Variants in CLCN7 observed in about 807,000 individuals in gnomAD.
CLCN7 encodes Cl-/H+ antiporter 7.
In CLCN7, 60 loss-of-function variants were observed where a neutral mutation model predicts 102.1. That is an observed-to-expected ratio of 0.59 (90% confidence interval 0.48 to 0.73). The LOEUF (loss-of-function observed/expected upper bound fraction) is 0.73. CLCN7 is among the 30% of genes least tolerant of loss of function. The pLI is 0.00. For missense variants in CLCN7, 962 were observed against 1,125.7 expected (o/e 0.85, Z 2.08); for synonymous variants, 560 against 490.5 (o/e 1.14, Z -1.87).
At position 1,473,379 on chromosome 16, in the gene CLCN7, T is replaced by TTTC. The variant is rs2039104830; in HGVS notation, c.141+1454_141+1455insGAA. Among the ~76,000 whole-genome samples the TTTC allele has an allele frequency of 5.7e-5, 8 of 139,646 alleles. No individual in the cohort carries two copies. The South Asian group carries it at 2.0e-3, about 35-fold the overall frequency. 91.6% of individuals were successfully genotyped at this position (139,646 alleles called of 152,430 possible). Reference sequence around the variant, plus strand: ...TCGTGTCCTTCCTAAACTTTTTTTTTTTTTTTTTTTTTTTTGAGACGGAGT... The same window carrying TTTC: ...TCGTGTCCTTCCTAAACTTTTTTTTTTTCTTTTTTTTTTTTTTTGAGACGGAGT... On this transcript the variant is annotated intron_variant, in intron 1 of 24. Coordinates refer to ENST00000382745, the MANE Select transcript of CLCN7 (RefSeq NM_001287.6).
At chr16:1,454,486 G>C in intron 12 of CLCN7, 21 bp from the exon 13 acceptor site, 1 of 1,611,680 alleles carries the variant, frequency 6.2e-7, no homozygotes, top group Non-Finnish European at 8.5e-7. Context: ...AGAGGGAGAA[G>C]GCAGAGGATG....
intron 12 of CLCN7, 89 bp from the exon 13 acceptor site, chr16:1,454,554 G>T: frequency 7.8e-7 from 1 of 1,279,318 alleles, no homozygotes; most frequent in South Asian, 1.2e-5. Context: ...CATCTTAAGA[G>T]AGCTGTCCCC....
In CLCN7 at chr16:1,457,653, G is replaced by A. The variant is rs1471685435; in HGVS notation, c.738+41C>T. 3 of 1,606,724 alleles carry A rather than the reference G, an allele frequency of 1.9e-6. No individual in the cohort carries two copies. Among genetic ancestry groups the A allele is most frequent in the Non-Finnish European group, 2.6e-6 (3 of 1,175,050 alleles). On this transcript the variant is annotated intron_variant, in intron 8 of 24. Transcript: ENST00000382745. The surrounding 1 kb of genome is among the most constrained non-coding windows in gnomAD (Gnocchi z 5.4). ...CGTGGCGGCCCTCGCGGGCCCGGCGGCCTCAGGCTCCAGCTGGAGTGGCCA... is the reference window on the plus strand; with the variant it reads ...CGTGGCGGCCCTCGCGGGCCCGGCGACCTCAGGCTCCAGCTGGAGTGGCCA...
In CLCN7 at chr16:1,452,653, C is replaced by T. The variant is rs895004477; in HGVS notation, c.1353+102G>A. On this transcript the variant is annotated intron_variant, in intron 15 of 24. Transcript: ENST00000382745. ...CGCCAGCCCATGCGCTTCTGGAACT[C>T]GGCGGGGTGGGCAGCCCTCCTCCCG... 14 of 1,289,500 alleles carry T rather than the reference C, an allele frequency of 1.1e-5. No homozygotes were observed. In the Admixed American group the frequency reaches 1.3e-4, roughly 12 times the overall value. The allele number at this position is 1,289,500 out of a possible 1,614,324, so 79.9% of individuals were successfully genotyped here.
chr16:1,466,972 C>T (rs529315692), intron 1 of CLCN7, among the ~76,000 whole-genome samples: 18 of 150,758 alleles, frequency 1.2e-4, no homozygotes, highest in African/African-American at 4.4e-4. Context: ...ACCTTCCAGC[C>T]CACTGCCCTC....
In CLCN7 at chr16:1,446,499, G is replaced by A. The variant is rs764192196; in HGVS notation, c.*132C>T. ...TCAGTTCCGCGCCTGCCGCCTGCCC[G>A]CCCAGCTGCAGGGTGCTCGCCATTG... On this transcript the variant is annotated 3_prime_UTR_variant, in exon 25 of 25. Transcript: ENST00000382745. 2.6e-5 allele frequency: 22 copies of A among 846,828 alleles called. No individual in the cohort carries two copies. The highest frequency in any genetic ancestry group is 5.0e-5 in the African/African-American group (3 of 59,908). 52.5% of individuals were successfully genotyped at this position (846,828 alleles called of 1,614,324 possible). A position where few individuals can be genotyped will look rare whatever the true frequency, so the allele number is the denominator to read the frequency against.
intron 1 of CLCN7, chr16:1,467,851 C>G (rs8047904): frequency 0.18 from 26,788 of 152,346 alleles, 2,808 homozygotes; most frequent in African/African-American, 0.28. Flanking sequence ...TTGGGAGGCT[C>G]AGGCAGGAGG....
rs772016816 is a variant in CLCN7, at chr16:1,454,437, G to A, written c.1127C>T (p.Pro376Leu). The change falls in exon 13 of 25, where the codon CCG becomes CTG. Residue 376 changes from proline (P) to leucine (L), a missense_variant. Transcript: ENST00000382745. ...CACCACGCCCATGGCGATGAAGACC[G>A]GGATCTCGTGGATCGTGTAGGCCAT... is the stretch of plus-strand genomic sequence containing the variant. ...EKMAYTIHEI[P>L]VFIAMGVVGG... 9.9e-6 allele frequency: 16 copies of A among 1,613,604 alleles called. No homozygotes were observed. Among genetic ancestry groups the A allele is most frequent in the East Asian group, 2.2e-5 (1 of 44,880 alleles).
At position 1,450,688 on chromosome 16, in the gene CLCN7, C is replaced by T. The variant is rs572239065; in HGVS notation, c.1448-22G>A. The T allele has an allele frequency of 2.4e-5, 37 of 1,539,770 alleles. 1 individual carries two copies. In the Middle Eastern group the frequency reaches 5.3e-4, roughly 22 times the overall value. On this transcript the variant is annotated intron_variant, in intron 16 of 24. Coordinates refer to ENST00000382745, the MANE Select transcript of CLCN7 (RefSeq NM_001287.6). ...GAGCCTAGGAGAGAAGAGGGGCTGA[C>T]GGGGCCTCCACGACTCCCGCCTCCG...
At position 1,452,913 on chromosome 16, in the gene CLCN7, T is replaced by C. The variant is rs2038776638; in HGVS notation, c.1215-20A>G. On this transcript the variant is annotated intron_variant, in intron 14 of 24. Coordinates refer to ENST00000382745, the MANE Select transcript of CLCN7 (RefSeq NM_001287.6). The stretch of plus-strand genomic sequence containing the variant: ...ATGTACCTGGAACCAAGAATCAGGC[T>C]GCATGGCAGGCAGGACGGCAGCGCG... 6.4e-7 allele frequency: 1 copy of C among 1,560,388 alleles called. No homozygotes were observed. Among genetic ancestry groups the C allele is most frequent in the Non-Finnish European group, 8.7e-7 (1 of 1,152,580 alleles).
rs1007301275 is a variant in CLCN7, at chr16:1,448,499, C to T, written c.1884-15G>A. 4 of 1,607,372 alleles carry T rather than the reference C, an allele frequency of 2.5e-6. No individual in the cohort carries two copies. Among genetic ancestry groups the T allele is most frequent in the East Asian group, 2.2e-5 (1 of 44,884 alleles). ...TCATCACCTCCCTGCCGGAGGAGCC[C>T]GGCCACACATGCCCGTCACACGCCA... On this transcript the variant is annotated splice_polypyrimidine_tract_variant and intron_variant, in intron 20 of 24. Transcript: ENST00000382745.
chr16:1,451,958 G>A (rs1055825462), intron 15 of CLCN7: 11 of 516,330 alleles, frequency 2.1e-5, no homozygotes, highest in South Asian at 7.6e-5. Context: ...GCAGGGGGCC[G>A]TGTCTAGCCC....
chr16:1,449,402 G>A (rs1171933809), intron 17 of CLCN7, 75 bp from the exon 18 acceptor site: 17 of 1,430,174 alleles, frequency 1.2e-5, no homozygotes, highest in African/African-American at 2.8e-5. Flanking sequence ...GACGGAGGAG[G>A]CCCTGCCCAG....
intron 1 of CLCN7, among the ~76,000 whole-genome samples, chr16:1,468,763 G>T (rs931839927): frequency 6.6e-6 from 1 of 152,138 alleles, no homozygotes; most frequent in Non-Finnish European, 1.5e-5. Context: ...GGATCTACAC[G>T]CATTGCACCG....
At chr16:1,456,016 G>A in intron 10 of CLCN7, 97 bp downstream of exon 10, 1 of 1,152,434 alleles carries the variant, frequency 8.7e-7, no homozygotes, top group Non-Finnish European at 1.2e-6. Flanking sequence ...CCAAGCCTCT[G>A]CCACCCTCAG....
At chr16:1,465,166 G>T (rs1456951099) in intron 2 of CLCN7, 101 bp downstream of exon 2, 2 of 1,185,938 alleles carry the variant, frequency 1.7e-6, no homozygotes, top group African/African-American at 3.0e-5. Context: ...CCGGCCCTGG[G>T]GCCCCACTAT....
At chr16:1,456,043 A>T in intron 10 of CLCN7, 70 bp downstream of exon 10, 3 of 1,321,314 alleles carry the variant, frequency 2.3e-6, no homozygotes, top group Non-Finnish European at 3.2e-6. Flanking sequence ...CTGGGCCTAC[A>T]GAGAGGAGAC....
chr16:1,448,913 C>G, intron 19 of CLCN7, 53 bp downstream of exon 19: 1 of 1,608,646 alleles, frequency 6.2e-7, no homozygotes, highest in Non-Finnish European at 8.5e-7. Context: ...AGGGGCCCCT[C>G]CCCTATGGCA....
intron 1 of CLCN7, among the ~76,000 whole-genome samples, chr16:1,472,968 A>AT (rs1182596615): frequency 6.8e-6 from 1 of 147,976 alleles, no homozygotes; most frequent in African/African-American, 2.5e-5. Context: ...GGGTTTCACT[A>AT]TTTTGCCCAG....
Sources: allele counts gnomAD v4.1 joint callset (sites outside exome capture counted in the v4.1 genomes callset), GRCh38; gene constraint gnomAD v4.1.1; non-coding constraint Gnocchi (gnomAD v3.1); transcripts MANE v1.5; gene names NCBI Gene and HGNC (gene_info 2026-07-23, HGNC 2026-07-21).